Variants in PLXNA4 observed in about 807,000 individuals in gnomAD.
PLXNA4 encodes the protein plexin A4.
Under a neutral mutation model 191.8 loss-of-function variants are expected in PLXNA4, and 44 were observed. The observed-to-expected ratio is 0.23, with a 90% CI of 0.18 to 0.29. The LOEUF is 0.29. Ranked by LOEUF, PLXNA4 falls within the 10% of genes least tolerant of loss-of-function variation. PLXNA4 has a pLI of 1.00. For missense variants in PLXNA4, 1,800 were observed against 2,488.8 expected (o/e 0.72, Z 5.89); for synonymous variants, 1,082 against 1,009.5 (o/e 1.07, Z -1.36).
At position 132,230,069 on chromosome 7, in the gene PLXNA4, A is replaced by T. The variant is rs545212687; in HGVS notation, c.1605-1600T>A. Among the ~76,000 whole-genome samples, 11 of 152,306 alleles carry T rather than the reference A, an allele frequency of 7.2e-5. No homozygotes were observed. The East Asian group carries it at 1.4e-3, about 19-fold the overall frequency. On this transcript the variant is annotated intron_variant, in intron 5 of 31. Transcript: ENST00000321063. ...GACTTCAGAGTAGATTGGATGTGCA[A>T]TGCGAAAGTAAAAAACACCCCTGAA...
At chr7:132,265,354 AG>A (rs1799809105) in intron 4 of PLXNA4, among the ~76,000 whole-genome samples, 2 of 152,224 alleles carry the variant, frequency 1.3e-5, no homozygotes. Flanking sequence ...GTCTATCCCA[AG>A]CTAAGTACTG....
intron 1 of PLXNA4, among the ~76,000 whole-genome samples, chr7:132,520,221 A>G (rs1366701641): frequency 6.6e-6 from 1 of 152,234 alleles, no homozygotes; most frequent in East Asian, 1.9e-4. Flanking sequence ...GTTGAATTCC[A>G]CAGTCTGCCC....
intron 3 of PLXNA4, among the ~76,000 whole-genome samples, chr7:132,478,737 A>T (rs927563323): frequency 6.6e-6 from 1 of 152,182 alleles, no homozygotes; most frequent in Non-Finnish European, 1.5e-5. Flanking sequence ...TAAGTTTTGG[A>T]TGCAATGATG....
chr7:132,159,120 G>A (rs1322323539), intron 25 of PLXNA4, among the ~76,000 whole-genome samples: 1 of 152,168 alleles, frequency 6.6e-6, no homozygotes, highest in South Asian at 2.1e-4. Flanking sequence ...GCTCAGACAA[G>A]CGGACTCTGC....
chr7:132,515,750 C>T (rs191313140), intron 1 of PLXNA4, among the ~76,000 whole-genome samples: 8 of 152,326 alleles, frequency 5.3e-5, no homozygotes, highest in South Asian at 4.1e-4. Flanking sequence ...TTCATGCTTC[C>T]GGGCCCTGAG....
chr7:132,290,842 T>A (rs977444071), intron 4 of PLXNA4, among the ~76,000 whole-genome samples: 2 of 152,188 alleles, frequency 1.3e-5, no homozygotes, highest in Non-Finnish European at 2.9e-5. Context: ...TGGCATTTGC[T>A]GCAAGAGCTC....
intron 3 of PLXNA4, among the ~76,000 whole-genome samples, chr7:132,467,603 A>G (rs1270670864): frequency 6.6e-6 from 1 of 152,224 alleles, no homozygotes; most frequent in Non-Finnish European, 1.5e-5. Context: ...TCTTCAGTTC[A>G]AAGGTGGGAA....
intron 3 of PLXNA4, among the ~76,000 whole-genome samples, chr7:132,349,828 C>T (rs895269967): frequency 1.3e-5 from 2 of 152,122 alleles, no homozygotes; most frequent in African/African-American, 4.8e-5. Context: ...CCATCAAATG[C>T]CCTTTTCCTT....
chr7:132,212,122 C>T (rs901100285), intron 9 of PLXNA4, among the ~76,000 whole-genome samples: 5 of 152,194 alleles, frequency 3.3e-5, no homozygotes, highest in African/African-American at 1.2e-4. Flanking sequence ...CCCCCAGATT[C>T]CTCCATCTGT....
intron 3 of PLXNA4, among the ~76,000 whole-genome samples, chr7:132,388,830 T>G (rs1028763256): frequency 6.6e-6 from 1 of 152,168 alleles, no homozygotes; most frequent in Non-Finnish European, 1.5e-5. Flanking sequence ...TTCTACAAGA[T>G]TCTAGGAAGC....
intron 3 of PLXNA4, among the ~76,000 whole-genome samples, chr7:132,417,033 T>C (rs1794684401): frequency 6.6e-6 from 1 of 152,194 alleles, no homozygotes; most frequent in South Asian, 2.1e-4. Context: ...ATATAAGTCC[T>C]GCAACGGAAT....
intron 3 of PLXNA4, among the ~76,000 whole-genome samples, chr7:132,323,387 A>G (rs1285353989): frequency 6.6e-6 from 1 of 152,240 alleles, no homozygotes; most frequent in Non-Finnish European, 1.5e-5. Context: ...GCATCATCTC[A>G]TCTAATCCTT....
At chr7:132,160,243 T>C (rs1795908955) in intron 24 of PLXNA4, among the ~76,000 whole-genome samples, 1 of 152,204 alleles carries the variant, frequency 6.6e-6, no homozygotes, top group African/African-American at 2.4e-5. Context: ...ATGTATTCTT[T>C]AAAAATAAAA....
At chr7:132,595,965 T>C (rs1438383395) in intron 2 of PLXNA4, among the ~76,000 whole-genome samples, 2 of 152,200 alleles carry the variant, frequency 1.3e-5, no homozygotes, top group Non-Finnish European at 2.9e-5. Context: ...AATATTCCAT[T>C]ATATTATCTA....
chr7:132,550,643 C>T (rs543022831), intron 1 of PLXNA4, among the ~76,000 whole-genome samples: 48 of 152,334 alleles, frequency 3.2e-4, no homozygotes, highest in African/African-American at 1.1e-3. Flanking sequence ...CTGCTATACA[C>T]AATTAACCTC....
chr7:132,200,664 G>A (rs1340779536), intron 12 of PLXNA4, among the ~76,000 whole-genome samples: 3 of 152,330 alleles, frequency 2.0e-5, no homozygotes, highest in Non-Finnish European at 4.4e-5. Flanking sequence ...GCCCACAAAA[G>A]CCCACACACA....
intron 3 of PLXNA4, among the ~76,000 whole-genome samples, chr7:132,431,514 AAGGAGGAAGGG>A (rs1231754109): frequency 1.3e-5 from 2 of 149,730 alleles, no homozygotes; most frequent in East Asian, 3.9e-4. Flanking sequence ...TGTGAGAGGG[AAGGAGGAAGGG>A]AGGGGGAAGA....
At chr7:132,562,865 TCTC>T (rs1206472791) in intron 1 of PLXNA4, among the ~76,000 whole-genome samples, 7 of 56,058 alleles carry the variant, frequency 1.2e-4, no homozygotes, top group African/African-American at 2.2e-4. Context: ...TCCTCCTCCT[TCTC>T]CTCCTCCTCT....
At chr7:132,428,320 T>C (rs1205531963) in intron 3 of PLXNA4, among the ~76,000 whole-genome samples, 3 of 152,204 alleles carry the variant, frequency 2.0e-5, no homozygotes, top group African/African-American at 7.2e-5. Context: ...GGGAAGTCCC[T>C]ATGCTCTCCC....
Sources: allele counts gnomAD v4.1 joint callset (sites outside exome capture counted in the v4.1 genomes callset), GRCh38; gene constraint gnomAD v4.1.1; transcripts MANE v1.5; gene names NCBI Gene and HGNC (gene_info 2026-07-23, HGNC 2026-07-21).